NTM: variants seen among roughly 807,000 people sequenced by gnomAD.
The protein encoded by NTM is neurotrimin.
NTM carries 13 observed loss-of-function variants against 42.1 expected under a neutral mutation model. The ratio of observed to expected loss-of-function variants is 0.31; its 90% confidence interval spans 0.20 to 0.49. NTM has a LOEUF of 0.49. NTM is among the 20% of genes least tolerant of loss of function. NTM has a pLI of 0.99. For missense variants in NTM, 373 were observed against 452.8 expected, an observed-to-expected ratio of 0.82 and a Z score of 1.60; for synonymous variants, 187 against 179.2, an observed-to-expected ratio of 1.04 and a Z score of -0.35.
intron 1 of NTM, among the ~76,000 whole-genome samples, chr11:131,599,523 A>C (rs1035893148): frequency 1.3e-5 from 2 of 152,242 alleles, no homozygotes; most frequent in Non-Finnish European, 2.9e-5. Context: ...CCCTGTTAAC[A>C]GCTGCTTTAG....
chr11:132,317,466 C>T (rs1182325753), intron 7 of NTM, among the ~76,000 whole-genome samples: 1 of 152,100 alleles, frequency 6.6e-6, no homozygotes, highest in African/African-American at 2.4e-5. Flanking sequence ...AAACATAAAG[C>T]ATGTCAGCGT....
At chr11:131,726,083 C>T (rs2078933110) in intron 1 of NTM, among the ~76,000 whole-genome samples, 1 of 152,090 alleles carries the variant, frequency 6.6e-6, no homozygotes, top group Non-Finnish European at 1.5e-5. Flanking sequence ...TGGTTTGAGG[C>T]CCCAAAGAAA....
chr11:132,242,078 C>A (rs927487878), intron 4 of NTM, among the ~76,000 whole-genome samples: 1 of 152,142 alleles, frequency 6.6e-6, no homozygotes, highest in African/African-American at 2.4e-5. Flanking sequence ...CCATCTCATT[C>A]GGTTATTTTT....
chr11:131,424,726 A>ATTTT (rs71475756), intron 1 of NTM, among the ~76,000 whole-genome samples: 6 of 122,204 alleles, frequency 4.9e-5, no homozygotes, highest in Non-Finnish European at 8.3e-5. Flanking sequence ...TGCCTGGCTA[A>ATTTT]TTTTTTTTTT....
intron 1 of NTM, among the ~76,000 whole-genome samples, chr11:131,890,493 G>A (rs763775804): frequency 2.6e-5 from 4 of 152,220 alleles, no homozygotes; most frequent in East Asian, 1.9e-4. Flanking sequence ...TAGAGGAGAC[G>A]AGGAAACTCA....
intron 2 of NTM, among the ~76,000 whole-genome samples, chr11:132,046,477 A>G (rs185778868): frequency 3.3e-5 from 5 of 152,066 alleles, no homozygotes; most frequent in African/African-American, 1.2e-4. Flanking sequence ...GAGTTATTAT[A>G]CTCTCTGAAT....
chr11:131,741,969 C>G (rs901226649), intron 1 of NTM, among the ~76,000 whole-genome samples: 2 of 152,130 alleles, frequency 1.3e-5, no homozygotes, highest in Non-Finnish European at 2.9e-5. Context: ...CAAGCTAACA[C>G]AGGAACAGAA....
intron 1 of NTM, among the ~76,000 whole-genome samples, chr11:131,388,417 G>A (rs986916554): frequency 7.1e-6 from 1 of 141,000 alleles, no homozygotes; most frequent in African/African-American, 2.7e-5. Context: ...AGACATTTGG[G>A]TTTTGGGTTT....
intron 2 of NTM, among the ~76,000 whole-genome samples, chr11:132,113,786 T>C (rs1014999174): frequency 1.3e-4 from 20 of 152,174 alleles, no homozygotes; most frequent in Admixed American, 8.5e-4. Context: ...AAGGACTCCA[T>C]GCAATCCTAA....
At chr11:131,827,740 T>C (rs1199965610) in intron 1 of NTM, among the ~76,000 whole-genome samples, 1 of 152,220 alleles carries the variant, frequency 6.6e-6, no homozygotes, top group African/African-American at 2.4e-5. Context: ...GTTCAAGTTA[T>C]GTATATGCTG....
intron 1 of NTM, among the ~76,000 whole-genome samples, chr11:131,893,916 G>T (rs71483695): frequency 3.9e-4 from 59 of 152,222 alleles, no homozygotes; most frequent in Non-Finnish European, 2.9e-5. Context: ...GGAAGAGGGC[G>T]CATGTTTCTT....
At chr11:131,605,334 T>A (rs2060853911) in intron 1 of NTM, among the ~76,000 whole-genome samples, 1 of 152,238 alleles carries the variant, frequency 6.6e-6, no homozygotes, top group African/African-American at 2.4e-5. Flanking sequence ...GAAATGATTT[T>A]CTTGATTTCA....
intron 1 of NTM, among the ~76,000 whole-genome samples, chr11:131,448,388 C>T (rs1950229264): frequency 6.6e-6 from 1 of 152,266 alleles, no homozygotes; most frequent in Non-Finnish European, 1.5e-5. Flanking sequence ...GGCCAGCCTC[C>T]TGTCCAACAT....
intron 1 of NTM, among the ~76,000 whole-genome samples, chr11:131,542,525 A>G (rs898190859): frequency 3.9e-5 from 6 of 152,178 alleles, no homozygotes; most frequent in African/African-American, 7.2e-5. Flanking sequence ...GTTTTCTTCT[A>G]TGAACTTCTG....
intron 2 of NTM, among the ~76,000 whole-genome samples, chr11:131,960,082 T>A (rs1231429281): frequency 1.3e-5 from 2 of 152,146 alleles, no homozygotes; most frequent in East Asian, 3.9e-4. Context: ...AGGGCAAGGG[T>A]GTTATCTCCT....
intron 1 of NTM, among the ~76,000 whole-genome samples, chr11:131,664,965 C>T (rs531179570): frequency 1.2e-4 from 18 of 152,192 alleles, no homozygotes; most frequent in African/African-American, 4.1e-4. Flanking sequence ...ATATCCTCCG[C>T]GCTTCTGCTG....
chr11:131,818,517 C>T (rs1036206749), intron 1 of NTM, among the ~76,000 whole-genome samples: 8 of 152,118 alleles, frequency 5.3e-5, no homozygotes, highest in African/African-American at 1.7e-4. Flanking sequence ...CCGTTCAGCA[C>T]AGCAGTCAGC....
chr11:132,213,732 T>TGACACTG (rs1592264155), intron 4 of NTM, among the ~76,000 whole-genome samples: 1 of 96,940 alleles, frequency 1.0e-5, no homozygotes, highest in African/African-American at 3.7e-5. Flanking sequence ...CCACCATTCT[T>TGACACTG]TTTTTTTTTT....
chr11:132,068,198 A>G (rs956732091), intron 2 of NTM, among the ~76,000 whole-genome samples: 13 of 152,190 alleles, frequency 8.5e-5, no homozygotes, highest in Non-Finnish European at 1.8e-4. Flanking sequence ...CATATTTTGC[A>G]ATTTAAACAA....
Sources: gnomAD v4.1 joint callset for allele counts (sites outside exome capture counted in the v4.1 genomes callset) on GRCh38, gnomAD v4.1.1 for gene constraint, MANE v1.5 for transcripts, NCBI Gene and HGNC (gene_info 2026-07-23, HGNC 2026-07-21) for gene names.